OR51B5: variants seen among roughly 807,000 people sequenced by gnomAD.
OR51B5 encodes the protein olfactory receptor family 51 subfamily B member 5.
For synonymous variants in OR51B5, 186 were observed against 144.8 expected, an observed-to-expected ratio of 1.28 and a Z score of -2.04; for missense variants, 456 against 374.6, an observed-to-expected ratio of 1.22 and a Z score of -1.79.
chr11:5,406,630 T>A (rs895403390), intron 1 of OR51B5, among the ~76,000 whole-genome samples: 2 of 152,128 alleles, frequency 1.3e-5, no homozygotes, highest in African/African-American at 4.8e-5. Context: ...ATAAACACTT[T>A]CACATTTATC....
chr11:5,353,651 ATTAATT>A (rs1849137937), intron 1 of OR51B5, among the ~76,000 whole-genome samples: 1 of 152,240 alleles, frequency 6.6e-6, no homozygotes, highest in Non-Finnish European at 1.5e-5. Flanking sequence ...TAAGTTTTAA[ATTAATT>A]TTAAAAGAAA....
At chr11:5,489,769 G>T (rs1201854330) in intron 1 of OR51B5, 2 of 780,264 alleles carry the variant, frequency 2.6e-6, no homozygotes, top group Non-Finnish European at 4.3e-6. Context: ...TGACATGGCA[G>T]GAAGCTCTGG....
At chr11:5,493,700 T>C (rs535433306) in intron 1 of OR51B5, among the ~76,000 whole-genome samples, 10 of 152,324 alleles carry the variant, frequency 6.6e-5, no homozygotes, top group African/African-American at 2.2e-4. Context: ...AAGTCATATC[T>C]CTGCAGCAAT....
chr11:5,367,733 C>T (rs1849392654), intron 1 of OR51B5, among the ~76,000 whole-genome samples: 1 of 152,190 alleles, frequency 6.6e-6, no homozygotes, highest in Non-Finnish European at 1.5e-5. Context: ...TACCCAGCTC[C>T]TATTTAAGAT....
chr11:5,446,304 CAA>C (rs35174250), intron 1 of OR51B5, among the ~76,000 whole-genome samples: 1 of 148,790 alleles, frequency 6.7e-6, no homozygotes, highest in Non-Finnish European at 1.5e-5. Context: ...TGAGGTAACC[CAA>C]AAAAAAAAGA....
Position 5,395,631 on chromosome 11 carries a change from A to G in OR51B5, n.85-48721T>C, listed in dbSNP as rs115300062. ...TGCTCCAATTGATGAAGCTTCTAAC[A>G]TTTCAGAGTGCTTTCCTCCACAGCC... is the stretch of plus-strand genomic sequence containing the variant. On this transcript the variant is annotated intron_variant and non_coding_transcript_variant, in intron 1 of 4. Transcript: ENST00000415970. Among the ~76,000 whole-genome samples the G allele has an allele frequency of 7.9e-3, 1,202 of 152,236 alleles. 11 individuals carry two copies. Among genetic ancestry groups the G allele is most frequent in the African/African-American group, 0.028 (1,144 of 41,524 alleles).
At chr11:5,407,682 TTTTTTTTA>T (rs1359465344) in intron 1 of OR51B5, among the ~76,000 whole-genome samples, 1 of 152,080 alleles carries the variant, frequency 6.6e-6, no homozygotes, top group African/African-American at 2.4e-5. Flanking sequence ...ATCAGTTTTT[TTTTTTTTA>T]TTATTTCCCC....
In OR51B5 at chr11:5,392,359, T is replaced by C. The variant is rs953448197; in HGVS notation, n.85-45449A>G. On this transcript the variant is annotated intron_variant and non_coding_transcript_variant, in intron 1 of 4. Coordinates refer to the OR51B5 transcript ENST00000415970. ...CCGAGACTTAGAATATTCTTCTCCA[T>C]GTTGAGAGGAAATTCCTATTCTATA... 1.8e-4 allele frequency: 27 copies of C among 152,198 alleles called. 1 individual carries two copies. Among genetic ancestry groups the C allele is most frequent in the African/African-American group, 5.5e-4 (23 of 41,448 alleles). The allele number at this position is 152,198 out of a possible 1,614,324, so 9.4% of individuals were successfully genotyped here. A position where few individuals can be genotyped will look rare whatever the true frequency, so the allele number is the denominator to read the frequency against.
At chr11:5,454,692 G>A in intron 1 of OR51B5, 4 of 277,156 alleles carry the variant, frequency 1.4e-5, no homozygotes, top group Admixed American at 1.4e-4. Flanking sequence ...ATTTAAGCTA[G>A]GAATTATTTT....
At chr11:5,373,994 C>T (rs1291319778) in intron 1 of OR51B5, among the ~76,000 whole-genome samples, 1 of 152,214 alleles carries the variant, frequency 6.6e-6, no homozygotes, top group African/African-American at 2.4e-5. Flanking sequence ...TCCCAGCACA[C>T]AGCTGGAGAT....
At chr11:5,478,125 A>C (rs1851346111) in intron 1 of OR51B5, among the ~76,000 whole-genome samples, 1 of 151,588 alleles carries the variant, frequency 6.6e-6, no homozygotes, top group African/African-American at 2.4e-5. Flanking sequence ...GACAGCTTTG[A>C]AGAGAGCAGT....
At chr11:5,343,064 A>G (rs1564911935) in exon 1 of OR51B5, 2 of 1,613,508 alleles carry the variant, frequency 1.2e-6, no homozygotes, top group Non-Finnish European at 1.7e-6. Context: ...TGGGGGAACA[A>G]CGGATACAAA....
At chr11:5,373,793 G>C (rs1849480231) in intron 1 of OR51B5, among the ~76,000 whole-genome samples, 1 of 152,200 alleles carries the variant, frequency 6.6e-6, no homozygotes, top group South Asian at 2.1e-4. Flanking sequence ...AGCCGCCATT[G>C]CCCAGGCTTG....
At chr11:5,434,367 C>T (rs1850567192) in intron 1 of OR51B5, among the ~76,000 whole-genome samples, 1 of 152,126 alleles carries the variant, frequency 6.6e-6, no homozygotes, top group Non-Finnish European at 1.5e-5. Flanking sequence ...TTTCATCATC[C>T]ACTAGACCAC....
Position 5,376,342 on chromosome 11 carries a change from C to T in OR51B5, n.85-29432G>A, listed in dbSNP as rs930325964. Reference sequence around the variant, plus strand: ...GTAGGGGGAAATTTATAGCACTAAACGCCCACAAGAGAAAGCAAGAAAGAT... The same window carrying T: ...GTAGGGGGAAATTTATAGCACTAAATGCCCACAAGAGAAAGCAAGAAAGAT... On this transcript the variant is annotated intron_variant and non_coding_transcript_variant, in intron 1 of 4. Transcript: ENST00000415970. 6.4e-4 allele frequency among the ~76,000 whole-genome samples: 98 copies of T among 152,110 alleles called. 2 individuals are homozygous for T. The highest frequency in any genetic ancestry group is 9.2e-4 in the Admixed American group (14 of 15,264).
rs370336118 is a variant in OR51B5 at position 5,461,728 on chromosome 11, G to A, written n.84+43841C>T. ...ATGGGGATTGTGGGTTCTCCTGCAG[G>A]TAGGATCCTGAAGGTCTGTGGCAAG... On this transcript the variant is annotated intron_variant and non_coding_transcript_variant, in intron 1 of 4. Transcript: ENST00000415970. Among the ~76,000 whole-genome samples the A allele has an allele frequency of 7.9e-5, 12 of 152,316 alleles. No individual in the cohort carries two copies. In the South Asian group the frequency reaches 2.3e-3, roughly 29 times the overall value.
At chr11:5,350,223 T>C (rs558442053) in intron 1 of OR51B5, among the ~76,000 whole-genome samples, 1 of 152,090 alleles carries the variant, frequency 6.6e-6, no homozygotes, top group African/African-American at 2.4e-5. Flanking sequence ...TTACAGGTTA[T>C]GTAACCAAAT....
At chr11:5,501,661 A>T (rs1205730558) in intron 1 of OR51B5, among the ~76,000 whole-genome samples, 1 of 148,016 alleles carries the variant, frequency 6.8e-6, no homozygotes, top group Non-Finnish European at 1.5e-5. Flanking sequence ...TGTCCCTTTT[A>T]ATTATTCAGA....
intron 1 of OR51B5, among the ~76,000 whole-genome samples, chr11:5,464,358 T>C (rs1297963947): frequency 6.6e-6 from 1 of 152,148 alleles, no homozygotes; most frequent in Non-Finnish European, 1.5e-5. Context: ...TACATATGTA[T>C]ACATGTGCCA....
Sources: gnomAD v4.1 joint callset for allele counts (sites outside exome capture counted in the v4.1 genomes callset) on GRCh38, gnomAD v4.1.1 for gene constraint, MANE v1.5 for transcripts, NCBI Gene and HGNC (gene_info 2026-07-23, HGNC 2026-07-21) for gene names.